CCAR1: variants seen among roughly 807,000 people sequenced by gnomAD.
CCAR1 encodes cell division cycle and apoptosis regulator 1.
A neutral mutation model predicts 163.8 loss-of-function variants in CCAR1; 78 were observed. The ratio of observed to expected loss-of-function variants is 0.48; its 90% CI spans 0.40 to 0.57. The LOEUF (loss-of-function observed/expected upper bound fraction) is 0.57. Among genes scored for constraint, CCAR1 ranks in the 20% least tolerant of loss-of-function variants. CCAR1 has a pLI of 0.00. For synonymous variants in CCAR1, 443 were observed against 460.7 expected (o/e 0.96, Z 0.49); for missense variants, 1,019 against 1,365.2 (o/e 0.75, Z 4.00).
chr10:68,754,685 G>T (rs769125251), intron 11 of CCAR1, 29 bp from the exon 12 acceptor site: 23 of 1,167,108 alleles, frequency 2.0e-5, no homozygotes, highest in Non-Finnish European at 2.9e-5. Context: ...TTAGACTTTT[G>T]ACAGGATTGA....
At chr10:68,755,211 G>T in intron 12 of CCAR1, 159 bp from the exon 13 acceptor site, 1 of 774,430 alleles carries the variant, frequency 1.3e-6, no homozygotes, top group African/African-American at 1.7e-5. Context: ...TTGCTGAAAT[G>T]CAGTGTGGAA....
chr10:68,728,483 C>G (rs2055982006), intron 2 of CCAR1, among the ~76,000 whole-genome samples: 1 of 152,008 alleles, frequency 6.6e-6, no homozygotes, highest in African/African-American at 2.4e-5. Context: ...CTTCAACTGC[C>G]TAAGGGGATT....
chr10:68,722,731 G>C (rs2055877152), intron 2 of CCAR1, among the ~76,000 whole-genome samples, 154 bp downstream of exon 2: 1 of 152,012 alleles, frequency 6.6e-6, no homozygotes, highest in Non-Finnish European at 1.5e-5. Context: ...TAACCAGCCT[G>C]GCCAACATGG....
At position 68,747,666 on chromosome 10, in the gene CCAR1, T is replaced by C. The variant is rs2056275097; in HGVS notation, c.826+100T>C. The C allele has an allele frequency of 8.8e-6, 10 of 1,132,858 alleles. No homozygotes were observed. In the Admixed American group the frequency reaches 2.3e-4, roughly 26 times the overall value. 70.2% of individuals were successfully genotyped at this position (1,132,858 alleles called of 1,614,324 possible). ...AAAAAGGCAGGGATTTCAAGAAAACTTGAAGCCTAAAAATCCTGAATAGGA... is the reference window on the plus strand; with the variant it reads ...AAAAAGGCAGGGATTTCAAGAAAACCTGAAGCCTAAAAATCCTGAATAGGA... On this transcript the variant is annotated intron_variant, in intron 8 of 24. Coordinates refer to ENST00000265872, the MANE Select transcript of CCAR1 (RefSeq NM_018237.4).
chr10:68,734,015 A>AT (rs1437122131), intron 2 of CCAR1, among the ~76,000 whole-genome samples: 1 of 152,118 alleles, frequency 6.6e-6, no homozygotes, highest in Non-Finnish European at 1.5e-5. Context: ...ATAATTTTGA[A>AT]TTTTTAAAAA....
chr10:68,756,142 A>ATTTTT lies in CCAR1; in HGVS notation c.1626-126_1626-122dup. The stretch of plus-strand genomic sequence containing the variant: ...CAAAAGAGGAACTATGGCTTCTATA[A>ATTTTT]TTTTTTTTTCTTTAGACCAACCTCA... On this transcript the variant is annotated intron_variant, in intron 13 of 24. Transcript: ENST00000265872. The surrounding 1 kb of genome is among the most constrained non-coding windows in gnomAD (Gnocchi z 5.1). 1 of 625,198 alleles carries ATTTTT rather than the reference A, an allele frequency of 1.6e-6. No individual in the cohort carries two copies. The highest frequency in any genetic ancestry group is 2.8e-6 in the Non-Finnish European group (1 of 354,896). 38.7% of individuals were successfully genotyped at this position (625,198 alleles called of 1,614,324 possible).
intron 2 of CCAR1, among the ~76,000 whole-genome samples, chr10:68,725,265 A>G (rs959135745): frequency 6.6e-6 from 1 of 152,114 alleles, no homozygotes; most frequent in African/African-American, 2.4e-5. Context: ...GGAGTTCGAG[A>G]CCAGCTTGAC....
intron 5 of CCAR1, 119 bp downstream of exon 5, chr10:68,740,780 A>T (rs937122957): frequency 3.0e-5 from 22 of 743,292 alleles, no homozygotes; most frequent in Non-Finnish European, 4.0e-5. Flanking sequence ...CTAATAATTT[A>T]GGAATATAAT....
chr10:68,722,836 C>T (rs2055878823), intron 2 of CCAR1, among the ~76,000 whole-genome samples: 1 of 151,990 alleles, frequency 6.6e-6, no homozygotes, highest in Admixed American at 6.6e-5. Flanking sequence ...GCAGGAGAAT[C>T]CCTTGAACCC....
chr10:68,742,387 A>T lies in CCAR1; in HGVS notation c.336A>T (p.Ala112=). ...QQTLLTQPAV[A]LPTSLSLSTP... is the part of the protein sequence containing the mutation. ...ATTTTGTTTTATAGCCAGCTGTTGC[A>T]CTGCCTACAAGCCTTAGCCTGTCTA... Residue 112 remains alanine, a synonymous_variant, in exon 6 of 25, where the codon GCA becomes GCT. Transcript: ENST00000265872. The T allele has an allele frequency of 1.9e-6, 3 of 1,598,566 alleles. No individual in the cohort carries two copies. Among genetic ancestry groups the T allele is most frequent in the Non-Finnish European group, 1.7e-6 (2 of 1,172,510 alleles).
intron 19 of CCAR1, among the ~76,000 whole-genome samples, chr10:68,782,111 G>A (rs2056743817): frequency 6.6e-6 from 1 of 152,178 alleles, no homozygotes; most frequent in African/African-American, 2.4e-5. Context: ...AGTTTTAGGG[G>A]TCAGAATAGA....
chr10:68,725,874 G>A (rs1006181170), intron 2 of CCAR1, among the ~76,000 whole-genome samples: 2 of 151,994 alleles, frequency 1.3e-5, no homozygotes, highest in East Asian at 3.9e-4. Flanking sequence ...CCAGCACTTT[G>A]GGAGGCTGAG....
chr10:68,736,526 CT>C (rs1470682224), intron 2 of CCAR1, among the ~76,000 whole-genome samples: 1 of 152,142 alleles, frequency 6.6e-6, no homozygotes, highest in African/African-American at 2.4e-5. Context: ...CCATTTTACT[CT>C]GTTTCTCTTA....
At chr10:68,788,399 C>T in intron 23 of CCAR1, 71 bp downstream of exon 23, 1 of 1,074,566 alleles carries the variant, frequency 9.3e-7, no homozygotes, top group Non-Finnish European at 1.3e-6. Flanking sequence ...TATGTGTGTA[C>T]ATACATATAT....
chr10:68,721,946 C>T (rs2055865542), intron 1 of CCAR1, among the ~76,000 whole-genome samples: 1 of 152,064 alleles, frequency 6.6e-6, no homozygotes, highest in Non-Finnish European at 1.5e-5. Context: ...GGAAAAGAAG[C>T]CCCCTAGGTT....
At chr10:68,785,767 C>T (rs1174960726) in intron 19 of CCAR1, among the ~76,000 whole-genome samples, 1 of 152,180 alleles carries the variant, frequency 6.6e-6, no homozygotes, top group Non-Finnish European at 1.5e-5. Context: ...TCCCCATCTT[C>T]CCTGAACCTC....
intron 15 of CCAR1, chr10:68,759,523 T>C: frequency 6.6e-6 from 1 of 152,642 alleles, no homozygotes; most frequent in Middle Eastern, 1.9e-3. Flanking sequence ...AGCCCAGTAG[T>C]TCAAGATCAG....
At chr10:68,778,225 G>GAA (rs947721409) in intron 19 of CCAR1, among the ~76,000 whole-genome samples, 2 of 151,906 alleles carry the variant, frequency 1.3e-5, no homozygotes, top group Non-Finnish European at 2.9e-5. Context: ...CAAAAGAAAA[G>GAA]AAAAGAAAAA....
At chr10:68,775,973 A>T (rs1275611829) in intron 19 of CCAR1, among the ~76,000 whole-genome samples, 1 of 151,186 alleles carries the variant, frequency 6.6e-6, no homozygotes, top group Non-Finnish European at 1.5e-5. Flanking sequence ...GGAGTTATAG[A>T]CATGGGCCAC....
Sources: allele counts gnomAD v4.1 joint callset (sites outside exome capture counted in the v4.1 genomes callset), GRCh38; gene constraint gnomAD v4.1.1; non-coding constraint Gnocchi (gnomAD v3.1); transcripts MANE v1.5; gene names NCBI Gene and HGNC (gene_info 2026-07-23, HGNC 2026-07-21).